Variants in HSDL2 observed in about 807,000 individuals in gnomAD.
HSDL2 encodes hydroxysteroid dehydrogenase like 2, also known as hydroxysteroid dehydrogenase-like protein 2.
HSDL2 carries 27 observed loss-of-function variants against 46.3 expected under a neutral mutation model. That is an observed-to-expected ratio of 0.58 (90% CI 0.43 to 0.80). The LOEUF is 0.80. HSDL2 is among the 30% of genes least tolerant of loss of function. The pLI is 0.00. For synonymous variants in HSDL2, 153 were observed against 163.6 expected (o/e 0.94, Z 0.50); for missense variants, 451 against 502.7 (o/e 0.90, Z 0.98).
chr9:112,439,011 A>G (rs1397367431), intron 7 of HSDL2, among the ~76,000 whole-genome samples: 1 of 152,148 alleles, frequency 6.6e-6, no homozygotes, highest in Non-Finnish European at 1.5e-5. Flanking sequence ...GTATTTATTT[A>G]TTTATTTGAG....
intron 9 of HSDL2, among the ~76,000 whole-genome samples, chr9:112,455,144 G>T (rs1198950335): frequency 6.6e-6 from 1 of 152,036 alleles, no homozygotes; most frequent in Non-Finnish European, 1.5e-5. Context: ...GAGGCTGGAG[G>T]ATCACTTGAG....
At position 112,470,419 on chromosome 9, in the gene HSDL2, T is replaced by C. The variant is rs1423262947; in HGVS notation, c.1145-13T>C. 1 of 1,557,660 alleles carries C rather than the reference T, an allele frequency of 6.4e-7. No individual in the cohort carries two copies. Among genetic ancestry groups the C allele is most frequent in the Non-Finnish European group, 8.8e-7 (1 of 1,131,642 alleles). ...TAATGGTTGCTTTTCCCTCTCTCAT[T>C]TTCTCATTTTAGGGAAACTAAAACC... On this transcript the variant is annotated splice_polypyrimidine_tract_variant and intron_variant, in intron 10 of 10. Coordinates refer to ENST00000398805, the MANE Select transcript of HSDL2 (RefSeq NM_032303.5).
chr9:112,396,904 A>G (rs939645150), intron 1 of HSDL2, among the ~76,000 whole-genome samples: 1 of 152,164 alleles, frequency 6.6e-6, no homozygotes, highest in Non-Finnish European at 1.5e-5. Context: ...GACCGCTTGA[A>G]GCAGAAATGC....
chr9:112,380,897 G>T (rs1288694459), intron 1 of HSDL2, among the ~76,000 whole-genome samples: 2 of 152,176 alleles, frequency 1.3e-5, no homozygotes, highest in Admixed American at 6.5e-5. Flanking sequence ...TAAGGTCTGG[G>T]TATCTTGAGT....
intron 1 of HSDL2, among the ~76,000 whole-genome samples, chr9:112,391,528 C>A (rs983696423): frequency 6.6e-6 from 1 of 151,946 alleles, no homozygotes; most frequent in African/African-American, 2.4e-5. Context: ...AAAAGCAAGC[C>A]ACAAATGAAA....
In HSDL2 at chr9:112,447,957, C is replaced by T. The variant is rs77580939; in HGVS notation, c.866-6056C>T. ...AGACATCTAATAGTTTTTGAGAGAGCGTGAGTACTCATTGAAAGCATAGAC... is the reference window on the plus strand; with the variant it reads ...AGACATCTAATAGTTTTTGAGAGAGTGTGAGTACTCATTGAAAGCATAGAC... On this transcript the variant is annotated intron_variant, in intron 8 of 10. Transcript: ENST00000398805. Among the ~76,000 whole-genome samples, 826 of 152,232 alleles carry T rather than the reference C, an allele frequency of 5.4e-3. 42 individuals carry two copies. In the East Asian group the frequency reaches 0.081, roughly 15 times the overall value.
intron 6 of HSDL2, among the ~76,000 whole-genome samples, chr9:112,426,533 G>A (rs1832250719): frequency 6.6e-6 from 1 of 152,144 alleles, no homozygotes; most frequent in Admixed American, 6.5e-5. Context: ...ACTGCTCCTT[G>A]CCCTGGCAAG....
intron 1 of HSDL2, among the ~76,000 whole-genome samples, chr9:112,386,215 T>C (rs1831214120): frequency 6.6e-6 from 1 of 152,298 alleles, no homozygotes; most frequent in African/African-American, 2.4e-5. Flanking sequence ...CTAAACAAGA[T>C]TTCTGTACTT....
intron 6 of HSDL2, among the ~76,000 whole-genome samples, chr9:112,420,543 T>G (rs1832096214): frequency 6.6e-6 from 1 of 150,498 alleles, no homozygotes; most frequent in Admixed American, 6.6e-5. Flanking sequence ...CCTAGCTAGG[T>G]GTAGTGGTGC....
At chr9:112,446,111 A>AC (rs1554714225) in intron 8 of HSDL2, among the ~76,000 whole-genome samples, 3 of 150,414 alleles carry the variant, frequency 2.0e-5, no homozygotes. Context: ...GCATCAGGTT[A>AC]TTTTTTTTTT....
At chr9:112,404,240 G>A (rs1831672041) in intron 2 of HSDL2, 82 bp downstream of exon 2, 55 of 1,367,762 alleles carry the variant, frequency 4.0e-5, no homozygotes, top group South Asian at 3.5e-4. Flanking sequence ...TTTAGTTAAA[G>A]CTATTTGAAA....
intron 6 of HSDL2, among the ~76,000 whole-genome samples, chr9:112,421,189 C>T (rs1319661070): frequency 6.6e-6 from 1 of 152,070 alleles, no homozygotes; most frequent in Non-Finnish European, 1.5e-5. Context: ...TAGCTGGGCA[C>T]AGTGGAGCAT....
intron 10 of HSDL2, among the ~76,000 whole-genome samples, chr9:112,468,636 C>A (rs1195661923): frequency 6.6e-6 from 1 of 151,978 alleles, no homozygotes; most frequent in African/African-American, 2.4e-5. Flanking sequence ...CCTTCCTGTG[C>A]TCCTCCTCTT....
chr9:112,392,974 C>A (rs1441165996), intron 1 of HSDL2, among the ~76,000 whole-genome samples: 1 of 152,116 alleles, frequency 6.6e-6, no homozygotes, highest in South Asian at 2.1e-4. Flanking sequence ...TTGGGGGGTC[C>A]CAGACTTCCT....
intron 8 of HSDL2, among the ~76,000 whole-genome samples, chr9:112,447,179 C>T (rs1832775425): frequency 6.6e-6 from 1 of 152,130 alleles, no homozygotes; most frequent in Admixed American, 6.6e-5. Context: ...GGACTACCAG[C>T]CATATGTCAT....
intron 8 of HSDL2, among the ~76,000 whole-genome samples, chr9:112,449,445 T>A (rs7389028): frequency 6.6e-6 from 1 of 152,068 alleles, no homozygotes; most frequent in African/African-American, 2.4e-5. Context: ...TGATTTTGTG[T>A]TATCTTATTT....
At chr9:112,416,044 G>A (rs1293844508) in intron 4 of HSDL2, among the ~76,000 whole-genome samples, 1 of 151,458 alleles carries the variant, frequency 6.6e-6, no homozygotes, top group Non-Finnish European at 1.5e-5. Context: ...GGGAGGCGGA[G>A]CTTGCAGTGA....
chr9:112,397,339 A>G (rs991573478), intron 1 of HSDL2, among the ~76,000 whole-genome samples: 1 of 152,304 alleles, frequency 6.6e-6, no homozygotes, highest in South Asian at 2.1e-4. Context: ...GATGGCATGC[A>G]TGGCCATTTT....
At chr9:112,399,397 A>G (rs981258859) in intron 1 of HSDL2, among the ~76,000 whole-genome samples, 1 of 152,262 alleles carries the variant, frequency 6.6e-6, no homozygotes, top group African/African-American at 2.4e-5. Context: ...GGGCAAAAAC[A>G]GAACCACTGA....
Sources: allele counts gnomAD v4.1 joint callset (sites outside exome capture counted in the v4.1 genomes callset), GRCh38; gene constraint gnomAD v4.1.1; transcripts MANE v1.5; gene names NCBI Gene and HGNC (gene_info 2026-07-23, HGNC 2026-07-21).